TANC2: variants seen among roughly 807,000 people sequenced by gnomAD.
TANC2 encodes tetratricopeptide repeat, ankyrin repeat and coiled-coil containing 2, also known as protein TANC2.
A neutral mutation model predicts 210.5 loss-of-function variants in TANC2; 26 were observed. That is an observed-to-expected ratio of 0.12 (90% CI 0.09 to 0.17). TANC2 has a LOEUF of 0.17. TANC2 is among the 10% of genes least tolerant of loss of function. The probability of loss-of-function intolerance (pLI) is 1.00; values close to 1 mark genes in which losing one functional copy is unlikely to be tolerated. For missense variants in TANC2, 2,129 were observed against 2,608.9 expected (o/e 0.82, Z 4.01); for synonymous variants, 931 against 967.1 (o/e 0.96, Z 0.69).
intron 1 of TANC2, among the ~76,000 whole-genome samples, chr17:62,987,781 C>A (rs981183825): frequency 2.6e-5 from 4 of 152,074 alleles, no homozygotes; most frequent in Admixed American, 1.3e-4. Flanking sequence ...TGCCTTGGTC[C>A]TTTCTTGTGG....
chr17:63,191,083 C>T (rs1471657954), intron 5 of TANC2, among the ~76,000 whole-genome samples: 1 of 151,550 alleles, frequency 6.6e-6, no homozygotes, highest in Non-Finnish European at 1.5e-5. Context: ...TTTATCGTAG[C>T]AGTTACTTGC....
intron 5 of TANC2, among the ~76,000 whole-genome samples, chr17:63,179,056 C>T (rs1176404157): frequency 6.6e-6 from 1 of 152,126 alleles, no homozygotes; most frequent in Non-Finnish European, 1.5e-5. Context: ...TATTCAGTAC[C>T]TGCTTTTTTA....
At chr17:63,340,298 G>T in exon 12 of TANC2, 1 of 1,613,922 alleles carries the variant, frequency 6.2e-7, no homozygotes, top group South Asian at 1.1e-5. Context: ...CCTTCCGGAG[G>T]GGAGTTCTGG....
chr17:63,129,044 G>T (rs930946633), intron 4 of TANC2, among the ~76,000 whole-genome samples: 2 of 152,034 alleles, frequency 1.3e-5, no homozygotes, highest in South Asian at 2.1e-4. Flanking sequence ...TTGAGCCAGG[G>T]TCTCGCTCTG....
At chr17:63,121,387 C>T (rs1257870885) in intron 4 of TANC2, among the ~76,000 whole-genome samples, 1 of 152,012 alleles carries the variant, frequency 6.6e-6, no homozygotes, top group South Asian at 2.1e-4. Flanking sequence ...TAGTATAGTA[C>T]TTGACACAGG....
intron 4 of TANC2, among the ~76,000 whole-genome samples, chr17:63,102,325 A>AAAAT (rs1195776850): frequency 6.6e-6 from 1 of 151,982 alleles, no homozygotes; most frequent in Non-Finnish European, 1.5e-5. Context: ...AAAAAAAATA[A>AAAAT]AAATAAATAA....
chr17:63,009,417 A>G, intron 1 of TANC2, 120 bp from the exon 2 acceptor site: 1 of 610,606 alleles, frequency 1.6e-6, no homozygotes. Flanking sequence ...ATTGAGTGGC[A>G]AACAGTCCAG....
intron 5 of TANC2, 87 bp from the exon 6 acceptor site, chr17:63,193,904 A>T: frequency 7.3e-7 from 1 of 1,363,446 alleles, no homozygotes; most frequent in South Asian, 1.9e-5. Flanking sequence ...AAACTAAAGA[A>T]ATGACCAAAG....
At chr17:63,072,283 A>G (rs2036423779) in intron 2 of TANC2, among the ~76,000 whole-genome samples, 1 of 152,132 alleles carries the variant, frequency 6.6e-6, no homozygotes, top group Non-Finnish European at 1.5e-5. Flanking sequence ...AGAATTTGAT[A>G]TACAGTTAAG....
At chr17:63,272,571 A>C (rs1200816350) in intron 9 of TANC2, among the ~76,000 whole-genome samples, 1 of 152,120 alleles carries the variant, frequency 6.6e-6, no homozygotes, top group Non-Finnish European at 1.5e-5. Flanking sequence ...AACGACATTG[A>C]TTCTTCCTAT....
intron 3 of TANC2, among the ~76,000 whole-genome samples, chr17:63,077,322 T>C (rs1209978796): frequency 6.6e-6 from 1 of 152,186 alleles, no homozygotes; most frequent in Non-Finnish European, 1.5e-5. Context: ...TCAAAAACAA[T>C]CTGCCTGTCT....
intron 9 of TANC2, among the ~76,000 whole-genome samples, chr17:63,280,372 G>A (rs1296704244): frequency 6.6e-6 from 1 of 151,334 alleles, no homozygotes; most frequent in Non-Finnish European, 1.5e-5. Context: ...GTAAAACCTA[G>A]TTTTTTTTTA....
At chr17:63,219,033 G>A (rs1024094164) in intron 7 of TANC2, among the ~76,000 whole-genome samples, 1 of 152,174 alleles carries the variant, frequency 6.6e-6, no homozygotes, top group African/African-American at 2.4e-5. Context: ...GCACTAAATT[G>A]TGGAATAATT....
intron 7 of TANC2, among the ~76,000 whole-genome samples, chr17:63,203,991 A>G (rs1193448389): frequency 6.6e-6 from 1 of 152,228 alleles, no homozygotes; most frequent in South Asian, 2.1e-4. Context: ...TTCTGTAGAT[A>G]TAAAAAATAC....
At chr17:63,293,744 TG>T (rs1476972735) in intron 9 of TANC2, among the ~76,000 whole-genome samples, 2 of 152,126 alleles carry the variant, frequency 1.3e-5, no homozygotes, top group Non-Finnish European at 2.9e-5. Context: ...GGATTTTTTT[TG>T]TTTTTGTTTT....
chr17:63,366,305 CAAGT>C (rs150183069), intron 14 of TANC2, among the ~76,000 whole-genome samples: 1,558 of 152,244 alleles, frequency 0.01, 24 homozygotes, highest in African/African-American at 0.029. Flanking sequence ...AATACAAATA[CAAGT>C]AAGATCTGTC....
intron 9 of TANC2, among the ~76,000 whole-genome samples, chr17:63,276,175 T>A (rs1049342007): frequency 3.3e-5 from 5 of 152,166 alleles, no homozygotes; most frequent in African/African-American, 4.8e-5. Flanking sequence ...CAGAACTAGA[T>A]GATTTCATTT....
intron 9 of TANC2, among the ~76,000 whole-genome samples, chr17:63,299,466 C>T (rs930992087): frequency 4.6e-5 from 7 of 151,314 alleles, no homozygotes; most frequent in South Asian, 2.1e-4. Context: ...ATTGCCATTC[C>T]GACTGGCATG....
chr17:63,403,921 T>A (rs2048419327), intron 19 of TANC2, among the ~76,000 whole-genome samples: 1 of 152,216 alleles, frequency 6.6e-6, no homozygotes, highest in Admixed American at 6.5e-5. Flanking sequence ...TGCCATAATT[T>A]GCACTTAAGT....
Sources: gnomAD v4.1 joint callset for allele counts (sites outside exome capture counted in the v4.1 genomes callset) on GRCh38, gnomAD v4.1.1 for gene constraint, MANE v1.5 for transcripts, NCBI Gene and HGNC (gene_info 2026-07-23, HGNC 2026-07-21) for gene names.